The following CDK14 variants were observed in gnomAD, a reference collection of about 807,000 sequenced individuals.
CDK14 encodes the protein cyclin-dependent kinase 14.
Under a neutral mutation model 60.7 loss-of-function variants are expected in CDK14, and 34 were observed. The ratio of observed to expected loss-of-function variants is 0.56; its 90% confidence interval spans 0.43 to 0.75. The LOEUF is 0.75. Among genes scored for constraint, CDK14 ranks in the 30% least tolerant of loss-of-function variants. CDK14 has a pLI of 0.00. For synonymous variants in CDK14, 197 were observed against 203.7 expected (o/e 0.97, Z 0.28); for missense variants, 482 against 564.1 (o/e 0.85, Z 1.47).
intron 14 of CDK14, among the ~76,000 whole-genome samples, chr7:91,119,632 CTG>C (rs953476292): frequency 3.9e-5 from 6 of 152,206 alleles, no homozygotes; most frequent in Admixed American, 3.3e-4. Context: ...AAATTTTAAA[CTG>C]TACACATTGT....
At chr7:91,184,331 A>G (rs1802104286) in intron 14 of CDK14, among the ~76,000 whole-genome samples, 1 of 151,590 alleles carries the variant, frequency 6.6e-6, no homozygotes, top group South Asian at 2.1e-4. Flanking sequence ...TTAAGGTAGA[A>G]ATATGTAAGA....
At chr7:91,179,048 G>A (rs1801890597) in intron 14 of CDK14, among the ~76,000 whole-genome samples, 1 of 152,184 alleles carries the variant, frequency 6.6e-6, no homozygotes, top group East Asian at 1.9e-4. Context: ...CAAAGACTTG[G>A]AACCAACCCA....
chr7:90,839,121 G>T (rs575208644), intron 5 of CDK14, among the ~76,000 whole-genome samples: 24 of 152,292 alleles, frequency 1.6e-4, no homozygotes, highest in African/African-American at 5.5e-4. Context: ...AAATAGGAAA[G>T]AACCTATGTT....
chr7:90,935,549 G>T (rs1253435054), intron 8 of CDK14, among the ~76,000 whole-genome samples: 1 of 152,082 alleles, frequency 6.6e-6, no homozygotes, highest in East Asian at 1.9e-4. Flanking sequence ...TGAAACATTT[G>T]CTTATTATCT....
chr7:91,151,091 A>G (rs1483551927), intron 14 of CDK14, among the ~76,000 whole-genome samples: 1 of 152,124 alleles, frequency 6.6e-6, no homozygotes, highest in Non-Finnish European at 1.5e-5. Context: ...AAGCAGACAT[A>G]ATTTATTCTT....
At chr7:90,756,597 T>C (rs966625566) in intron 4 of CDK14, among the ~76,000 whole-genome samples, 1 of 152,194 alleles carries the variant, frequency 6.6e-6, no homozygotes, top group Non-Finnish European at 1.5e-5. Flanking sequence ...GATGACAGGC[T>C]CCCTGGCTTT....
In CDK14 at chr7:91,019,009, G is replaced by GT. The variant is rs1160446951; in HGVS notation, c.1042-26888_1042-26887insT. On this transcript the variant is annotated intron_variant, in intron 10 of 14. Coordinates refer to ENST00000380050, the MANE Select transcript of CDK14 (RefSeq NM_001287135.2). ...CCTAATACCATCACATTGGGGATTA[G>GT]GTTTTAGCCTGTGAATTCTGGGGGG... is the stretch of plus-strand genomic sequence containing the variant. Among the ~76,000 whole-genome samples the GT allele has an allele frequency of 3.3e-4, 51 of 152,314 alleles. No homozygotes were observed. The East Asian group carries it at 8.7e-3, about 26-fold the overall frequency.
intron 4 of CDK14, among the ~76,000 whole-genome samples, chr7:90,758,796 C>T (rs1804191409): frequency 6.6e-6 from 1 of 152,200 alleles, no homozygotes; most frequent in East Asian, 1.9e-4. Flanking sequence ...TGGCTCGTGC[C>T]TGCTATCCCA....
chr7:90,705,447 T>C (rs1031759607), intron 2 of CDK14, among the ~76,000 whole-genome samples: 1 of 152,054 alleles, frequency 6.6e-6, no homozygotes, highest in Non-Finnish European at 1.5e-5. Flanking sequence ...CTTCAGACCC[T>C]ATTTATGTGA....
At chr7:90,674,063 G>A (rs1236496696) in intron 2 of CDK14, among the ~76,000 whole-genome samples, 4 of 152,142 alleles carry the variant, frequency 2.6e-5, no homozygotes, top group African/African-American at 9.7e-5. Flanking sequence ...AAGTTGTCTT[G>A]GAGACTCTAG....
At chr7:91,048,616 T>A (rs1002959921) in intron 11 of CDK14, among the ~76,000 whole-genome samples, 1 of 152,224 alleles carries the variant, frequency 6.6e-6, no homozygotes, top group Non-Finnish European at 1.5e-5. Context: ...ATCTGTTGTC[T>A]CTGTTGCCAG....
At chr7:90,642,866 A>AT (rs149011640) in intron 2 of CDK14, among the ~76,000 whole-genome samples, 1 of 152,076 alleles carries the variant, frequency 6.6e-6, no homozygotes, top group Non-Finnish European at 1.5e-5. Context: ...TTTGTTTCCT[A>AT]TTACTGCCTT....
rs696270 is a variant in CDK14, at chr7:91,052,128, G to A, written c.1105+6168G>A. On this transcript the variant is annotated intron_variant, in intron 11 of 14. Transcript: ENST00000380050. ...TACCCTGGGGCTGCATGAGCTGAGAGTGCGAGTGGTGTTTGATTGTGCCTT... is the reference window on the plus strand; with the variant it reads ...TACCCTGGGGCTGCATGAGCTGAGAATGCGAGTGGTGTTTGATTGTGCCTT... Among the ~76,000 whole-genome samples, 1,058 of 152,082 alleles carry A rather than the reference G, an allele frequency of 7.0e-3. 8 individuals are homozygous for A. Among genetic ancestry groups the A allele is most frequent in the African/African-American group, 0.024 (1,000 of 41,478 alleles).
intron 3 of CDK14, among the ~76,000 whole-genome samples, chr7:90,734,886 G>A (rs1239151895): frequency 1.3e-5 from 2 of 152,136 alleles, no homozygotes; most frequent in Non-Finnish European, 1.5e-5. Context: ...TGGGAGAGAA[G>A]AGGTGTTCTG....
At chr7:90,977,166 C>T (rs1193258478) in intron 9 of CDK14, among the ~76,000 whole-genome samples, 1 of 152,062 alleles carries the variant, frequency 6.6e-6, no homozygotes, top group African/African-American at 2.4e-5. Context: ...TCCAATTTTC[C>T]CAGCAGCATT....
chr7:90,745,189 C>T (rs1803540146), intron 3 of CDK14, among the ~76,000 whole-genome samples: 1 of 152,134 alleles, frequency 6.6e-6, no homozygotes, highest in Non-Finnish European at 1.5e-5. Context: ...TTCTCCTTTC[C>T]TACTGTTCCT....
intron 14 of CDK14, among the ~76,000 whole-genome samples, chr7:91,176,711 G>A (rs1016725405): frequency 3.3e-5 from 5 of 151,876 alleles, no homozygotes; most frequent in Admixed American, 2.6e-4. Context: ...AAATCTAGAA[G>A]AAATGGATAA....
At chr7:91,124,369 ACATT>A (rs1799876095) in intron 14 of CDK14, among the ~76,000 whole-genome samples, 1 of 152,192 alleles carries the variant, frequency 6.6e-6, no homozygotes, top group Non-Finnish European at 1.5e-5. Context: ...GTGCACACAT[ACATT>A]GTTTCACTAA....
intron 7 of CDK14, among the ~76,000 whole-genome samples, chr7:90,908,881 T>TACCAAAGGC (rs1792801059): frequency 6.6e-6 from 1 of 152,158 alleles, no homozygotes; most frequent in Non-Finnish European, 1.5e-5. Context: ...GTTTTTGTGA[T>TACCAAAGGC]TTACTCCAAG....
Sources: gnomAD v4.1 joint callset for allele counts (sites outside exome capture counted in the v4.1 genomes callset) on GRCh38, gnomAD v4.1.1 for gene constraint, MANE v1.5 for transcripts, NCBI Gene and HGNC (gene_info 2026-07-23, HGNC 2026-07-21) for gene names.